The following CEP112 variants were observed in gnomAD, a reference collection of about 807,000 sequenced individuals.
The protein encoded by CEP112 is centrosomal protein 112.
In CEP112, 127 loss-of-function variants were observed where a neutral mutation model predicts 153.0. The ratio of observed to expected loss-of-function variants is 0.83; its 90% CI spans 0.72 to 0.96. The LOEUF (loss-of-function observed/expected upper bound fraction) is 0.96, where lower values mean the gene tolerates loss of function less well. CEP112 is among the 40% of genes least tolerant of loss of function. The pLI is 0.00. For synonymous variants in CEP112, 358 were observed against 374.4 expected (o/e 0.96, Z 0.51); for missense variants, 1,089 against 1,101.2 (o/e 0.99, Z 0.16).
At chr17:65,972,632 GCT>G in intron 17 of CEP112, among the ~76,000 whole-genome samples, 1 of 152,094 alleles carries the variant, frequency 6.6e-6, no homozygotes, top group Non-Finnish European at 1.5e-5. Context: ...TAAACCTCTA[GCT>G]AGGCTGGTCA....
intron 4 of CEP112, among the ~76,000 whole-genome samples, chr17:66,145,522 A>G (rs1184461095): frequency 6.6e-6 from 1 of 152,136 alleles, no homozygotes; most frequent in Non-Finnish European, 1.5e-5. Context: ...ATTTAGGCCT[A>G]TAACTCATTT....
intron 24 of CEP112, among the ~76,000 whole-genome samples, chr17:65,647,111 G>A (rs2045476302): frequency 6.6e-6 from 1 of 150,654 alleles, no homozygotes; most frequent in African/African-American, 2.4e-5. Context: ...TTGTCACATG[G>A]CAAAATGACA....
intron 18 of CEP112, among the ~76,000 whole-genome samples, chr17:65,961,202 T>TA (rs1053943747): frequency 4.6e-5 from 7 of 152,282 alleles, no homozygotes; most frequent in African/African-American, 1.7e-4. Context: ...CTCTTAGGAT[T>TA]ATCTATCCTT....
chr17:65,966,273 C>T (rs1049369048), intron 17 of CEP112, among the ~76,000 whole-genome samples: 1 of 152,194 alleles, frequency 6.6e-6, no homozygotes, highest in Non-Finnish European at 1.5e-5. Context: ...TTCTGAAGTA[C>T]ATGATTATTC....
intron 2 of CEP112, among the ~76,000 whole-genome samples, chr17:66,177,650 T>C (rs1482110822): frequency 6.6e-6 from 1 of 152,206 alleles, no homozygotes; most frequent in Non-Finnish European, 1.5e-5. Context: ...CACTCTGTTG[T>C]GCTGTCAAAT....
chr17:65,893,186 A>G (rs2059535245), intron 20 of CEP112, among the ~76,000 whole-genome samples: 2 of 152,042 alleles, frequency 1.3e-5, no homozygotes, highest in African/African-American at 4.8e-5. Context: ...ACTCCTCGAG[A>G]CTAGTGCAGC....
rs1203081496 is a variant in CEP112, at chr17:65,777,530, T to C, written c.2395-26806A>G. The stretch of plus-strand genomic sequence containing the variant: ...TACTTTGAGGGTAGGAGCTGTGCTA[T>C]AGTCATTTATCATCCCACTACCCAC... On this transcript the variant is annotated intron_variant, in intron 21 of 26. Coordinates refer to ENST00000535342, the MANE Select transcript of CEP112 (RefSeq NM_001199165.4). Among the ~76,000 whole-genome samples, 3 of 152,064 alleles carry C rather than the reference T, an allele frequency of 2.0e-5. No individual in the cohort carries two copies. In the East Asian group the frequency reaches 5.8e-4, roughly 29 times the overall value.
At chr17:65,950,696 T>TTGC (rs1404191763) in intron 18 of CEP112, among the ~76,000 whole-genome samples, 1 of 97,400 alleles carries the variant, frequency 1.0e-5, no homozygotes, top group Non-Finnish European at 2.2e-5. Context: ...TCTGGATACA[T>TTGC]TACTAGTAGT....
intron 6 of CEP112, among the ~76,000 whole-genome samples, chr17:66,098,139 C>G (rs2146290694): frequency 1.3e-5 from 2 of 152,310 alleles, no homozygotes; most frequent in South Asian, 4.1e-4. Flanking sequence ...AAACGCAGAG[C>G]TGTAACCAAT....
intron 24 of CEP112, chr17:65,661,751 G>C (rs931599088): frequency 1.3e-5 from 2 of 152,140 alleles, no homozygotes; most frequent in African/African-American, 4.8e-5. Flanking sequence ...ATGTAGGCTG[G>C]AGTTTGCATG....
chr17:66,137,058 C>G (rs1373076428), intron 4 of CEP112, among the ~76,000 whole-genome samples: 1 of 152,044 alleles, frequency 6.6e-6, no homozygotes, highest in Non-Finnish European at 1.5e-5. Flanking sequence ...AATGGATTAG[C>G]TGGTAAGAAT....
At chr17:65,703,588 C>A (rs192429360) in intron 23 of CEP112, among the ~76,000 whole-genome samples, 82 of 150,222 alleles carry the variant, frequency 5.5e-4, no homozygotes, top group African/African-American at 1.9e-3. Context: ...CGAAGTCTTG[C>A]AGACAGGAAA....
intron 8 of CEP112, among the ~76,000 whole-genome samples, chr17:66,079,748 G>A (rs1454992560): frequency 2.6e-5 from 4 of 152,136 alleles, no homozygotes; most frequent in African/African-American, 7.2e-5. Context: ...ATGGCTACCT[G>A]ACTTCAAACT....
intron 22 of CEP112, among the ~76,000 whole-genome samples, chr17:65,744,867 T>C (rs1413903858): frequency 6.6e-6 from 1 of 152,210 alleles, no homozygotes. Flanking sequence ...AGTTGTTTCT[T>C]CTAATAAAAG....
chr17:65,740,221 G>T (rs1172076876), intron 23 of CEP112, among the ~76,000 whole-genome samples: 1 of 152,098 alleles, frequency 6.6e-6, no homozygotes, highest in African/African-American at 2.4e-5. Context: ...CAGTGTATTT[G>T]CTATAGTTAA....
intron 20 of CEP112, among the ~76,000 whole-genome samples, chr17:65,885,704 T>G (rs1183749390): frequency 1.3e-5 from 2 of 152,232 alleles, no homozygotes; most frequent in African/African-American, 4.8e-5. Context: ...ACTAAGACTC[T>G]CAGATGATGA....
chr17:65,890,123 G>C (rs2059412648), intron 20 of CEP112, among the ~76,000 whole-genome samples: 1 of 152,080 alleles, frequency 6.6e-6, no homozygotes, highest in African/African-American at 2.4e-5. Context: ...AGAAGTTCTG[G>C]GTTTTTTCTT....
At chr17:65,914,350 G>A (rs2060396040) in intron 19 of CEP112, among the ~76,000 whole-genome samples, 1 of 151,120 alleles carries the variant, frequency 6.6e-6, no homozygotes, top group East Asian at 1.9e-4. Context: ...AGGACAAATA[G>A]GTCAACCTGG....
intron 9 of CEP112, among the ~76,000 whole-genome samples, chr17:66,067,406 T>C (rs1007622587): frequency 6.6e-6 from 1 of 152,238 alleles, no homozygotes; most frequent in Non-Finnish European, 1.5e-5. Flanking sequence ...AGCATAAAAA[T>C]AGCTGAAATT....
Sources: gnomAD v4.1 joint callset for allele counts (sites outside exome capture counted in the v4.1 genomes callset) on GRCh38, gnomAD v4.1.1 for gene constraint, MANE v1.5 for transcripts, NCBI Gene and HGNC (gene_info 2026-07-23, HGNC 2026-07-21) for gene names.